The following AK5 variants were observed in gnomAD, a reference collection of about 807,000 sequenced individuals.
AK5 encodes the protein adenylate kinase isoenzyme 5.
AK5 carries 27 observed loss-of-function variants against 69.5 expected under a neutral mutation model. That is an observed-to-expected ratio of 0.39 (90% CI 0.29 to 0.54). The LOEUF (loss-of-function observed/expected upper bound fraction) is 0.54. Ranked by LOEUF, AK5 falls within the 20% of genes least tolerant of loss-of-function variation. The pLI is 0.71. For synonymous variants in AK5, 260 were observed against 244.4 expected, an observed-to-expected ratio of 1.06 and a Z score of -0.60; for missense variants, 531 against 700.4, an observed-to-expected ratio of 0.76 and a Z score of 2.73.
chr1:77,462,786 C>A (rs1653920705), intron 8 of AK5, among the ~76,000 whole-genome samples: 1 of 152,110 alleles, frequency 6.6e-6, no homozygotes, highest in South Asian at 2.1e-4. Context: ...TACTTTAAAA[C>A]AATAAAACCG....
intron 10 of AK5, among the ~76,000 whole-genome samples, chr1:77,492,196 T>G (rs1185199817): frequency 6.6e-6 from 1 of 152,146 alleles, no homozygotes; most frequent in Non-Finnish European, 1.5e-5. Context: ...CACAAAATAT[T>G]AAAATGATGT....
chr1:77,483,243 T>G, intron 8 of AK5, 74 bp from the exon 9 acceptor site: 4 of 1,044,674 alleles, frequency 3.8e-6, no homozygotes, highest in South Asian at 3.8e-5. Context: ...GAAGTTCAAG[T>G]AGGCCAGTGT....
chr1:77,506,530 T>C (rs976879259), intron 10 of AK5, among the ~76,000 whole-genome samples: 1 of 152,114 alleles, frequency 6.6e-6, no homozygotes, highest in Admixed American at 6.5e-5. Flanking sequence ...GACCTGAACC[T>C]TCCTCATTTT....
chr1:77,515,128 G>A (rs552779584), intron 10 of AK5, among the ~76,000 whole-genome samples: 46 of 152,294 alleles, frequency 3.0e-4, no homozygotes, highest in Non-Finnish European at 2.8e-4. Context: ...TTATTTTGGG[G>A]AGCCTCCATA....
At chr1:77,400,986 C>T (rs972109551) in intron 6 of AK5, among the ~76,000 whole-genome samples, 1 of 148,062 alleles carries the variant, frequency 6.8e-6, no homozygotes, top group South Asian at 2.2e-4. Flanking sequence ...TTCAGCAGGG[C>T]TGTACCACAG....
At chr1:77,291,680 T>C (rs977610659) in intron 2 of AK5, among the ~76,000 whole-genome samples, 1 of 152,226 alleles carries the variant, frequency 6.6e-6, no homozygotes, top group African/African-American at 2.4e-5. Flanking sequence ...AAATATTTAT[T>C]GGACACTGAC....
chr1:77,398,581 CTTGACGAGTAT>C (rs1197641775), intron 6 of AK5, among the ~76,000 whole-genome samples: 1 of 152,192 alleles, frequency 6.6e-6, no homozygotes, highest in Non-Finnish European at 1.5e-5. Flanking sequence ...GTTAATTCAG[CTTGACGAGTAT>C]TTGTCTAACT....
chr1:77,340,297 A>T, intron 5 of AK5, 80 bp from the exon 6 acceptor site: 2 of 1,389,506 alleles, frequency 1.4e-6, no homozygotes, highest in Non-Finnish European at 2.0e-6. Flanking sequence ...TCCACAGAAC[A>T]AAAGGAAATG....
chr1:77,332,349 T>G (rs1343491514), intron 5 of AK5, among the ~76,000 whole-genome samples: 2 of 151,244 alleles, frequency 1.3e-5, no homozygotes, highest in Non-Finnish European at 3.0e-5. Flanking sequence ...CTTTCTACTC[T>G]TTATCTTTTC....
chr1:77,367,739 T>TTATATATAA (rs1647003589), intron 6 of AK5, among the ~76,000 whole-genome samples: 1 of 11,672 alleles, frequency 8.6e-5, no homozygotes, highest in Non-Finnish European at 1.5e-4. Flanking sequence ...TATATATACG[T>TTATATATAA]TATATGTTAT....
Position 77,423,056 on chromosome 1 carries a change from A to C in AK5, c.1059+5341A>C, listed in dbSNP as rs374129866. Among the ~76,000 whole-genome samples, 9 of 151,986 alleles carry C rather than the reference A, an allele frequency of 5.9e-5. No homozygotes were observed. In the East Asian group the frequency reaches 7.7e-4, roughly 13 times the overall value. On this transcript the variant is annotated intron_variant, in intron 8 of 13. Transcript: ENST00000354567. ...TGGTGAAACCTTGTCTCTACTAAAAATACAAAAACAAAAAATTAGCCGGGC... is the reference window on the plus strand; with the variant it reads ...TGGTGAAACCTTGTCTCTACTAAAACTACAAAAACAAAAAATTAGCCGGGC...
Position 77,309,962 on chromosome 1 carries a change from T to G in AK5, c.699+12015T>G, listed in dbSNP as rs188691751. Among the ~76,000 whole-genome samples, 391 of 152,258 alleles carry G rather than the reference T, an allele frequency of 2.6e-3. 2 individuals are homozygous for G. Among genetic ancestry groups the G allele is most frequent in the African/African-American group, 9.1e-3 (377 of 41,518 alleles). ...AAATTTTAAATTGGAATTGGTGTAT[T>G]TTTCATTATTTTCCCTTTGGCTTTT... is the stretch of plus-strand genomic sequence containing the variant. On this transcript the variant is annotated intron_variant, in intron 5 of 13. Transcript: ENST00000354567.
intron 6 of AK5, among the ~76,000 whole-genome samples, chr1:77,367,736 ACGTTATATGTT>A (rs1647003221): frequency 7.8e-5 from 1 of 12,754 alleles, no homozygotes; most frequent in African/African-American, 2.9e-4. Flanking sequence ...TGTTATATAT[ACGTTATATGTT>A]ATATATGTTA....
At chr1:77,445,990 A>G (rs111725853) in intron 8 of AK5, among the ~76,000 whole-genome samples, 8,696 of 152,286 alleles carry the variant, frequency 0.057, 286 homozygotes, top group Middle Eastern at 0.11. Flanking sequence ...GGTGTAATAC[A>G]CAATAAATCA....
chr1:77,367,142 C>T (rs910951045), intron 6 of AK5, among the ~76,000 whole-genome samples: 2 of 151,820 alleles, frequency 1.3e-5, no homozygotes, highest in Non-Finnish European at 2.9e-5. Flanking sequence ...ATACATGCAT[C>T]CTTAAGGATT....
intron 10 of AK5, among the ~76,000 whole-genome samples, chr1:77,496,491 A>C (rs1013641865): frequency 6.6e-6 from 1 of 152,228 alleles, no homozygotes; most frequent in African/African-American, 2.4e-5. Context: ...CAAGGTCATC[A>C]GAATGGTCAT....
intron 6 of AK5, among the ~76,000 whole-genome samples, chr1:77,391,380 C>CA (rs201607684): frequency 0.14 from 16,753 of 116,292 alleles, 1,216 homozygotes; most frequent in East Asian, 0.21. Context: ...GTACTTTATG[C>CA]AAAAAAAAAA....
At chr1:77,505,508 C>T (rs1656971921) in intron 10 of AK5, among the ~76,000 whole-genome samples, 1 of 152,114 alleles carries the variant, frequency 6.6e-6, no homozygotes, top group African/African-American at 2.4e-5. Context: ...TTTTACTTTT[C>T]TGAATTATCT....
At chr1:77,345,299 C>T (rs1040467459) in intron 6 of AK5, among the ~76,000 whole-genome samples, 2 of 152,052 alleles carry the variant, frequency 1.3e-5, no homozygotes, top group Non-Finnish European at 2.9e-5. Context: ...CTAATTCATA[C>T]GCAGGTTTAC....
Sources: allele counts gnomAD v4.1 joint callset (sites outside exome capture counted in the v4.1 genomes callset), GRCh38; gene constraint gnomAD v4.1.1; transcripts MANE v1.5; gene names NCBI Gene and HGNC (gene_info 2026-07-23, HGNC 2026-07-21).